The following GSTO2 variants were observed in gnomAD, a reference collection of about 807,000 sequenced individuals.
GSTO2 encodes the protein glutathione S-transferase omega 2, also known as glutathione S-transferase omega-2.
Under a neutral mutation model 28.4 loss-of-function variants are expected in GSTO2, and 23 were observed. The observed-to-expected ratio is 0.81, with a 90% CI of 0.58 to 1.15. The LOEUF (loss-of-function observed/expected upper bound fraction) is 1.15. Ranked by LOEUF, GSTO2 falls within the 50% of genes most tolerant of loss-of-function variation. GSTO2 has a pLI of 0.00. For synonymous variants in GSTO2, 109 were observed against 111.0 expected (o/e 0.98, Z 0.11); for missense variants, 298 against 297.8 (o/e 1.00, Z 0.00).
At chr10:104,293,519 C>T (rs952660238) in intron 5 of GSTO2, among the ~76,000 whole-genome samples, 5 of 148,684 alleles carry the variant, frequency 3.4e-5, no homozygotes, top group African/African-American at 1.3e-4. Flanking sequence ...ACTTCGGCCT[C>T]CCAAATTGCT....
intron 6 of GSTO2, 43 bp downstream of exon 6, chr10:104,297,727 C>A: frequency 7.4e-7 from 1 of 1,342,740 alleles, no homozygotes. Context: ...CGGAGTCACA[C>A]TGAGTAACAA....
Position 104,275,268 on chromosome 10 carries a change from T to C in GSTO2, c.77T>C (p.Ile26Thr). 6.2e-7 allele frequency: 1 copy of C among 1,614,026 alleles called. No individual in the cohort carries two copies. Among genetic ancestry groups the C allele is most frequent in the Non-Finnish European group, 8.5e-7 (1 of 1,179,990 alleles). ...CCAGTCCCGGAGGGGCTGATCCGCA[T>C]CTACAGCATGAGGTTCTGCCCCTAT... Reference protein sequence around the residue: ...PGPVPEGLIRIYSMRFCPYSH... With the variant: ...PGPVPEGLIRTYSMRFCPYSH... Residue 26 changes from isoleucine (I) to threonine (T), a missense_variant, in exon 3 of 7, where the codon ATC becomes ACC. Physicochemically the swap from Ile to Thr is moderately conservative, Grantham distance 89. Coordinates refer to ENST00000338595, the MANE Select transcript of GSTO2 (RefSeq NM_183239.2).
At chr10:104,281,622 G>T (rs1247777924) in intron 5 of GSTO2, among the ~76,000 whole-genome samples, 1 of 152,176 alleles carries the variant, frequency 6.6e-6, no homozygotes, top group Non-Finnish European at 1.5e-5. Flanking sequence ...GCAGATACTT[G>T]CATACATCAT....
chr10:104,292,323 T>A (rs1447827331), intron 5 of GSTO2, among the ~76,000 whole-genome samples: 1 of 151,140 alleles, frequency 6.6e-6, no homozygotes, highest in Admixed American at 6.6e-5. Flanking sequence ...TACACCCAGC[T>A]AACTTTTTTT....
At chr10:104,280,951 A>AC (rs2012002178) in intron 5 of GSTO2, among the ~76,000 whole-genome samples, 1 of 152,226 alleles carries the variant, frequency 6.6e-6, no homozygotes, top group Admixed American at 6.5e-5. Context: ...TCCTGAGGTC[A>AC]CCAACTGTGG....
chr10:104,302,556 G>C lies in GSTO2; in HGVS notation c.*3272G>C, dbSNP rs1247052666. 1.3e-5 allele frequency: 2 copies of C among 152,338 alleles called. No individual in the cohort carries two copies. The highest frequency in any genetic ancestry group is 2.9e-5 in the Non-Finnish European group (2 of 68,056). The allele number at this position is 152,338 out of a possible 1,614,324, so 9.4% of individuals were successfully genotyped here. A position where few individuals can be genotyped will look rare whatever the true frequency, so the allele number is the denominator to read the frequency against. ...GACAGCTGGCTATGGTCGTGGTGCT[G>C]GTGACTAAATGGTACTTGAAATTTC... On this transcript the variant is annotated 3_prime_UTR_variant, in exon 7 of 7. Transcript: ENST00000338595.
intron 1 of GSTO2, among the ~76,000 whole-genome samples, 185 bp downstream of exon 1, chr10:104,269,454 A>G (rs533293826): frequency 7.7e-4 from 117 of 152,386 alleles, no homozygotes; most frequent in African/African-American, 2.5e-3. Flanking sequence ...CACATCCAAC[A>G]AAGTGCAGCC....
intron 5 of GSTO2, among the ~76,000 whole-genome samples, chr10:104,287,241 A>G (rs953512328): frequency 1.3e-5 from 2 of 152,186 alleles, no homozygotes; most frequent in Non-Finnish European, 2.9e-5. Context: ...ACTTTTGTAG[A>G]GACAGGGTCT....
intron 5 of GSTO2, among the ~76,000 whole-genome samples, chr10:104,287,550 A>G (rs1221072569): frequency 2.0e-5 from 3 of 152,246 alleles, no homozygotes; most frequent in Non-Finnish European, 4.4e-5. Flanking sequence ...TACTGACATT[A>G]AAAGATTGCC....
At position 104,304,433 on chromosome 10, in the gene GSTO2, T is replaced by C. The variant is rs2013344076; in HGVS notation, c.*5149T>C. On this transcript the variant is annotated 3_prime_UTR_variant, in exon 7 of 7. Transcript: ENST00000338595. ...TTATGTAAAGAGAAGTGGCGTGCCA[T>C]AGGGGTTACAAACAGGGCTTCAAGG... 1 of 152,152 alleles carries C rather than the reference T, an allele frequency of 6.6e-6. No homozygotes were observed. Among genetic ancestry groups the C allele is most frequent in the Admixed American group, 6.5e-5 (1 of 15,278 alleles). The allele number at this position is 152,152 out of a possible 1,614,324, so 9.4% of individuals were successfully genotyped here.
chr10:104,273,722 G>A (rs11191984), intron 1 of GSTO2, among the ~76,000 whole-genome samples: 11,280 of 152,210 alleles, frequency 0.074, 1,402 homozygotes, highest in African/African-American at 0.26. Flanking sequence ...AACGAGTCAA[G>A]CTTTGGACTT....
chr10:104,291,398 T>C (rs1463463325), intron 5 of GSTO2: 1 of 152,144 alleles, frequency 6.6e-6, no homozygotes, highest in Admixed American at 6.6e-5. Flanking sequence ...AACCAAAGAG[T>C]TGAAGACTGG....
In GSTO2 at chr10:104,272,589, T is replaced by C. The variant is rs939847216; in HGVS notation, c.-231-2096T>C. 4.5e-4 allele frequency among the ~76,000 whole-genome samples: 10 copies of C among 22,162 alleles called. No homozygotes were observed. The African/African-American group carries it at 4.9e-3, about 11-fold the overall frequency. 14.5% of individuals were successfully genotyped at this position (22,162 alleles called of 152,430 possible). A position where few individuals can be genotyped will look rare whatever the true frequency, so the allele number is the denominator to read the frequency against. ...ATCAAAATAGAACAGTTATGGGACTTTTTTTTTTTTTTTTTTTTTTTTTTT... is the reference window on the plus strand; with the variant it reads ...ATCAAAATAGAACAGTTATGGGACTCTTTTTTTTTTTTTTTTTTTTTTTTT... On this transcript the variant is annotated intron_variant, in intron 1 of 6. Transcript: ENST00000338595.
chr10:104,280,273 T>C (rs980604391), intron 5 of GSTO2, among the ~76,000 whole-genome samples: 1 of 151,276 alleles, frequency 6.6e-6, no homozygotes, highest in African/African-American at 2.4e-5. Flanking sequence ...CTTTATGGGC[T>C]CTGTCATCCT....
At chr10:104,296,613 TAAAAAAAAAA>T (rs11347549) in intron 5 of GSTO2, 11 of 66,518 alleles carry the variant, frequency 1.7e-4, no homozygotes, top group African/African-American at 6.3e-5. Context: ...AGACCCTATC[TAAAAAAAAAA>T]AAAAAAAAAA....
At chr10:104,286,791 T>G (rs2012456087) in intron 5 of GSTO2, among the ~76,000 whole-genome samples, 1 of 152,050 alleles carries the variant, frequency 6.6e-6, no homozygotes, top group Non-Finnish European at 1.5e-5. Context: ...ATCACATAAA[T>G]AATAGAATAA....
rs768279768 is a variant in GSTO2, at chr10:104,272,587, C to CTTTTTTTTTTTTTTTT, written c.-231-2069_-231-2054dup. On this transcript the variant is annotated intron_variant, in intron 1 of 6. Transcript: ENST00000338595. ...GAATCAAAATAGAACAGTTATGGGA[C>CTTTTTTTTTTTTTTTT]TTTTTTTTTTTTTTTTTTTTTTTTT... Among the ~76,000 whole-genome samples the CTTTTTTTTTTTTTTTT allele has an allele frequency of 4.9e-4, 24 of 49,308 alleles. 7 individuals carry two copies. Among genetic ancestry groups the CTTTTTTTTTTTTTTTT allele is most frequent in the East Asian group, 1.8e-3 (2 of 1,124 alleles). 32.3% of individuals were successfully genotyped at this position (49,308 alleles called of 152,430 possible).
intron 1 of GSTO2, among the ~76,000 whole-genome samples, chr10:104,270,158 C>T (rs2011321181): frequency 6.6e-6 from 1 of 152,130 alleles, no homozygotes; most frequent in Non-Finnish European, 1.5e-5. Flanking sequence ...GGACTACAGG[C>T]GCCCGCCACC....
intron 1 of GSTO2, among the ~76,000 whole-genome samples, chr10:104,269,939 C>T (rs998474064): frequency 1.3e-5 from 2 of 152,030 alleles, no homozygotes; most frequent in Non-Finnish European, 2.9e-5. Flanking sequence ...ACAGTAAGAC[C>T]GTTCGTGAGA....
Sources: gnomAD v4.1 joint callset for allele counts (sites outside exome capture counted in the v4.1 genomes callset) on GRCh38, gnomAD v4.1.1 for gene constraint, MANE v1.5 for transcripts, NCBI Gene and HGNC (gene_info 2026-07-23, HGNC 2026-07-21) for gene names.